Variants in PBX1 observed in about 807,000 individuals in gnomAD.
PBX1 encodes the protein PBX homeobox 1, also known as pre-B-cell leukemia transcription factor 1.
Under a neutral mutation model 53.4 loss-of-function variants are expected in PBX1, and 6 were observed. That is an observed-to-expected ratio of 0.11 (90% CI 0.06 to 0.22). PBX1 has a LOEUF of 0.22. Ranked by LOEUF, PBX1 falls within the 10% of genes least tolerant of loss-of-function variation. The pLI is 1.00. For synonymous variants in PBX1, 204 were observed against 212.3 expected (o/e 0.96, Z 0.34); for missense variants, 251 against 551.4 (o/e 0.46, Z 5.46).
chr1:164,614,415 A>G (rs1312475332), intron 2 of PBX1, among the ~76,000 whole-genome samples: 1 of 152,128 alleles, frequency 6.6e-6, no homozygotes, highest in Non-Finnish European at 1.5e-5. Context: ...AGGTCAGCCC[A>G]TAGACACCTC....
chr1:164,758,839 T>A (rs899959930), intron 2 of PBX1, among the ~76,000 whole-genome samples: 1 of 152,184 alleles, frequency 6.6e-6, no homozygotes, highest in African/African-American at 2.4e-5. Flanking sequence ...TAGCATCGTG[T>A]CTGGCACATA....
At chr1:164,619,009 G>A (rs1657495082) in intron 2 of PBX1, among the ~76,000 whole-genome samples, 1 of 152,192 alleles carries the variant, frequency 6.6e-6, no homozygotes, top group South Asian at 2.1e-4. Context: ...GGATTCAAAT[G>A]AAATGGGGAG....
chr1:164,773,241 G>GCACACCCACACACA (rs746140319), intron 2 of PBX1, among the ~76,000 whole-genome samples: 1 of 135,188 alleles, frequency 7.4e-6, no homozygotes, highest in Non-Finnish European at 1.6e-5. Flanking sequence ...TAGGTAACAC[G>GCACACCCACACACA]CGCACACACA....
chr1:164,753,608 C>T (rs1666340234), intron 2 of PBX1, among the ~76,000 whole-genome samples: 1 of 152,194 alleles, frequency 6.6e-6, no homozygotes. Context: ...TCGTGCAGGT[C>T]GGCCAGACCC....
In PBX1 at chr1:164,807,739, C is replaced by T. The variant is rs560134309; in HGVS notation, c.837+62C>T. The T allele has an allele frequency of 1.4e-4, 227 of 1,570,492 alleles. No individual in the cohort carries two copies. The East Asian group carries it at 4.0e-3, about 28-fold the overall frequency. On this transcript the variant is annotated intron_variant, in intron 5 of 8. Transcript: ENST00000420696. Reference sequence around the variant, plus strand: ...GCCATGGCGGGGCCTCCGGGGCAGGCTCTTAGAGGTCTTGCTTTACTGGAC... The same window carrying T: ...GCCATGGCGGGGCCTCCGGGGCAGGTTCTTAGAGGTCTTGCTTTACTGGAC...
intron 2 of PBX1, among the ~76,000 whole-genome samples, chr1:164,656,652 A>G (rs1660183422): frequency 6.6e-6 from 1 of 152,064 alleles, no homozygotes; most frequent in Non-Finnish European, 1.5e-5. Context: ...AGATTGAGTG[A>G]TGGCTATAGA....
At chr1:164,659,805 C>T (rs1390216785) in intron 2 of PBX1, among the ~76,000 whole-genome samples, 14 of 152,136 alleles carry the variant, frequency 9.2e-5, no homozygotes, top group Non-Finnish European at 2.9e-5. Flanking sequence ...GCAGCAGAAT[C>T]GAGGGTGGTG....
intron 8 of PBX1, among the ~76,000 whole-genome samples, chr1:164,832,708 G>A (rs1670829116): frequency 6.6e-6 from 1 of 151,928 alleles, no homozygotes; most frequent in African/African-American, 2.4e-5. Flanking sequence ...AAGAAAAGTA[G>A]GAAGAAAGAA....
intron 2 of PBX1, among the ~76,000 whole-genome samples, chr1:164,594,344 G>A (rs1209190915): frequency 2.6e-5 from 4 of 152,066 alleles, no homozygotes; most frequent in Non-Finnish European, 4.4e-5. Flanking sequence ...GACCAGGCTC[G>A]AGTGCAATGG....
intron 2 of PBX1, chr1:164,683,817 T>G (rs2102003817): frequency 6.6e-6 from 1 of 151,916 alleles, no homozygotes; most frequent in African/African-American, 2.4e-5. Context: ...TTTGTTTTGT[T>G]TTGTTTTGTT....
At chr1:164,591,241 G>T (rs369425684) in intron 2 of PBX1, among the ~76,000 whole-genome samples, 4 of 152,044 alleles carry the variant, frequency 2.6e-5, no homozygotes, top group African/African-American at 9.7e-5. Flanking sequence ...GGAACTCCTG[G>T]CCTCAAGTGA....
intron 2 of PBX1, among the ~76,000 whole-genome samples, chr1:164,591,492 G>A (rs1457457727): frequency 6.6e-6 from 1 of 152,038 alleles, no homozygotes; most frequent in African/African-American, 2.4e-5. Flanking sequence ...TAGCACAAAC[G>A]GGTTCATGTG....
chr1:164,774,642 C>T (rs1260269961), intron 2 of PBX1: 1 of 152,094 alleles, frequency 6.6e-6, no homozygotes, highest in Non-Finnish European at 1.5e-5. Context: ...TTTTAATAAG[C>T]CAGAAAAATC....
chr1:164,775,321 G>A (rs908534777), intron 2 of PBX1, among the ~76,000 whole-genome samples: 5 of 152,156 alleles, frequency 3.3e-5, no homozygotes, highest in Middle Eastern at 3.2e-3. Flanking sequence ...TTTGCAAGGC[G>A]ATCTTAGTGG....
At chr1:164,855,254 T>G (rs1474025600), downstream of PBX1, among the ~76,000 whole-genome samples, 2 of 152,122 alleles carry the variant, frequency 1.3e-5, no homozygotes, top group East Asian at 3.9e-4. Context: ...GTTCCTCTCT[T>G]TTAAATTAAA....
rs1023241917 is a variant in PBX1, at chr1:164,850,365, A to G, written c.*3689A>G. ...TAAAAAAAAAAAAAAAAAGGTTGGA[A>G]TAGTGAGCATAATAGGTACAACCTA... On this transcript the variant is annotated 3_prime_UTR_variant, in exon 9 of 9. Transcript: ENST00000420696. 2.4e-5 allele frequency: 5 copies of G among 211,440 alleles called. No individual in the cohort carries two copies. The highest frequency in any genetic ancestry group is 4.5e-5 in the African/African-American group (2 of 44,084). The allele number at this position is 211,440 out of a possible 1,614,324, so 13.1% of individuals were successfully genotyped here. A position where few individuals can be genotyped will look rare whatever the true frequency, so the allele number is the denominator to read the frequency against.
At chr1:164,734,029 G>A (rs1400400906) in intron 2 of PBX1, among the ~76,000 whole-genome samples, 2 of 152,142 alleles carry the variant, frequency 1.3e-5, no homozygotes, top group Admixed American at 1.3e-4. Context: ...ATATTGCTAT[G>A]TTGTGTAAGT....
intron 2 of PBX1, chr1:164,680,612 C>T (rs373092982): frequency 6.6e-6 from 1 of 152,164 alleles, no homozygotes; most frequent in Non-Finnish European, 1.5e-5. Context: ...ATAAATTCTT[C>T]TATCTTAAAG....
At chr1:164,561,935 T>C (rs1653078646) in intron 1 of PBX1, among the ~76,000 whole-genome samples, 4 of 152,094 alleles carry the variant, frequency 2.6e-5, no homozygotes, top group Admixed American at 2.0e-4. Context: ...TTTAATACTT[T>C]AAAGTATTTT....
Sources: allele counts gnomAD v4.1 joint callset (sites outside exome capture counted in the v4.1 genomes callset), GRCh38; gene constraint gnomAD v4.1.1; transcripts MANE v1.5; gene names NCBI Gene and HGNC (gene_info 2026-07-23, HGNC 2026-07-21).